EPM2A: variants seen among roughly 807,000 people sequenced by gnomAD.
EPM2A encodes laforin.
EPM2A carries 21 observed loss-of-function variants against 26.5 expected under a neutral mutation model. The observed-to-expected ratio is 0.79, with a 90% CI of 0.56 to 1.14. The LOEUF (loss-of-function observed/expected upper bound fraction) is 1.14. Among genes scored for constraint, EPM2A ranks in the 50% most tolerant of loss-of-function variants. EPM2A has a pLI of 0.00. For missense variants in EPM2A, 458 were observed against 440.8 expected (o/e 1.04, Z -0.35); for synonymous variants, 217 against 177.6 (o/e 1.22, Z -1.76).
chr6:145,648,379 G>A (rs1777638284), intron 2 of EPM2A, among the ~76,000 whole-genome samples: 1 of 152,140 alleles, frequency 6.6e-6, no homozygotes, highest in South Asian at 2.1e-4. Context: ...CACTTAAAAT[G>A]TACTGAATAT....
At chr6:145,485,355 G>A (rs1015417077) in intron 4 of EPM2A, among the ~76,000 whole-genome samples, 1 of 151,998 alleles carries the variant, frequency 6.6e-6, no homozygotes. Context: ...AACCAGATTC[G>A]GGCTCCATGA....
chr6:145,457,475 C>T (rs774373899), intron 4 of EPM2A, among the ~76,000 whole-genome samples: 1 of 130,766 alleles, frequency 7.6e-6, no homozygotes, highest in Non-Finnish European at 1.6e-5. Context: ...TAGAGTGACT[C>T]TGTCTCAAAA....
At chr6:145,684,237 T>C (rs918397286) in intron 2 of EPM2A, among the ~76,000 whole-genome samples, 27 of 152,022 alleles carry the variant, frequency 1.8e-4, no homozygotes, top group Middle Eastern at 3.4e-3. Flanking sequence ...ATGACAAATA[T>C]AAAATGTAAA....
chr6:145,465,496 T>G (rs1417714921), intron 4 of EPM2A, among the ~76,000 whole-genome samples: 2 of 149,682 alleles, frequency 1.3e-5, no homozygotes, highest in Non-Finnish European at 3.0e-5. Context: ...CATCCAGCTT[T>G]GTTCCGTTGC....
intron 2 of EPM2A, among the ~76,000 whole-genome samples, chr6:145,510,369 A>T (rs1780038619): frequency 6.6e-6 from 1 of 152,138 alleles, no homozygotes; most frequent in African/African-American, 2.4e-5. Context: ...GAATTAAAAA[A>T]CATCACAATG....
At chr6:145,562,129 A>G (rs1216297119) in intron 2 of EPM2A, among the ~76,000 whole-genome samples, 1 of 135,128 alleles carries the variant, frequency 7.4e-6, no homozygotes, top group Non-Finnish European at 1.6e-5. Context: ...TACAAAAAGG[A>G]AAAAAAAAAA....
chr6:145,651,986 G>A (rs1269521488), intron 2 of EPM2A, among the ~76,000 whole-genome samples: 1 of 152,090 alleles, frequency 6.6e-6, no homozygotes, highest in Non-Finnish European at 1.5e-5. Context: ...CATAAAAGAA[G>A]GATGGCTCCA....
In EPM2A at chr6:145,512,957, A is replaced by C. The variant is rs117288466; in HGVS notation, c.341-10382T>G. Among the ~76,000 whole-genome samples the C allele has an allele frequency of 4.8e-3, 730 of 152,180 alleles. 25 individuals carry two copies. In the East Asian group the frequency reaches 0.087, roughly 18 times the overall value. ...ACTAAACATAAGACCTGAAACTATA[A>C]AAATTCTGGAATCTGGGAAAAACTC... On this transcript the variant is annotated intron_variant, in intron 2 of 3. Coordinates refer to the EPM2A transcript ENST00000450221.
intron 4 of EPM2A, among the ~76,000 whole-genome samples, chr6:145,437,277 A>G (rs1185947059): frequency 6.6e-6 from 1 of 151,312 alleles, no homozygotes; most frequent in African/African-American, 2.4e-5. Flanking sequence ...GCCTTCTCCC[A>G]TGATTGTAAG....
At chr6:145,432,589 T>G (rs1348812981) in intron 4 of EPM2A, among the ~76,000 whole-genome samples, 1 of 151,994 alleles carries the variant, frequency 6.6e-6, no homozygotes, top group East Asian at 1.9e-4. Context: ...CTTACAAGCT[T>G]TCTTGTTCCA....
intron 2 of EPM2A, among the ~76,000 whole-genome samples, chr6:145,562,283 T>C (rs1210534664): frequency 1.3e-5 from 2 of 152,124 alleles, no homozygotes; most frequent in African/African-American, 4.8e-5. Flanking sequence ...TGCATTGTTG[T>C]TTCCTTTTTT....
rs536306555 is a variant in EPM2A at position 145,661,753 on chromosome 6, C to T, written c.476+24369G>A. Among the ~76,000 whole-genome samples the T allele has an allele frequency of 9.5e-4, 145 of 152,266 alleles. 2 individuals are homozygous for T. The highest frequency in any genetic ancestry group is 4.8e-3 in the South Asian group (23 of 4,826). On this transcript the variant is annotated intron_variant, in intron 2 of 3. Transcript: ENST00000367519. ...TTTATTCCTTCTTAATTCACAGTAT[C>T]GGATTTGATTATCCTAAGTTAAAGA... is the stretch of plus-strand genomic sequence containing the variant.
At chr6:145,535,234 A>C (rs953947961) in intron 2 of EPM2A, among the ~76,000 whole-genome samples, 1 of 152,196 alleles carries the variant, frequency 6.6e-6, no homozygotes, top group Non-Finnish European at 1.5e-5. Flanking sequence ...CTGTGTAACC[A>C]TCGCTTTAAA....
At chr6:145,639,220 T>A (rs1038433922) in intron 2 of EPM2A, 1 of 152,176 alleles carries the variant, frequency 6.6e-6, no homozygotes. Flanking sequence ...TAATCCACTA[T>A]CAATCATGAA....
intron 1 of EPM2A, chr6:145,706,016 G>A (rs118113226): frequency 0.035 from 15,886 of 448,534 alleles, 385 homozygotes; most frequent in Non-Finnish European, 0.046. Flanking sequence ...TTGCATAGAA[G>A]GCTGGAAGAC....
At chr6:145,728,809 A>G (rs923364593) in intron 1 of EPM2A, among the ~76,000 whole-genome samples, 2 of 152,224 alleles carry the variant, frequency 1.3e-5, no homozygotes, top group Non-Finnish European at 2.9e-5. Context: ...GGAGTTGTAT[A>G]TTAATAGCTA....
At chr6:145,600,078 C>G (rs1781397126) in intron 2 of EPM2A, among the ~76,000 whole-genome samples, 1 of 152,052 alleles carries the variant, frequency 6.6e-6, no homozygotes, top group Non-Finnish European at 1.5e-5. Context: ...CATCATTGAA[C>G]TCTCAATTTT....
At chr6:145,397,134 T>A (rs1366594880) in intron 4 of EPM2A, among the ~76,000 whole-genome samples, 1 of 152,200 alleles carries the variant, frequency 6.6e-6, no homozygotes, top group East Asian at 1.9e-4. Context: ...ACTTTCTCCT[T>A]TTGAAATTGT....
intron 4 of EPM2A, among the ~76,000 whole-genome samples, chr6:145,484,033 T>A (rs777687040): frequency 6.6e-6 from 1 of 152,170 alleles, no homozygotes; most frequent in Non-Finnish European, 1.5e-5. Flanking sequence ...GATATGTCTA[T>A]CTTGCTACAT....
Sources: gnomAD v4.1 joint callset for allele counts (sites outside exome capture counted in the v4.1 genomes callset) on GRCh38, gnomAD v4.1.1 for gene constraint, MANE v1.5 for transcripts, NCBI Gene and HGNC (gene_info 2026-07-23, HGNC 2026-07-21) for gene names.